Variants in ATPAF2 observed in about 807,000 individuals in gnomAD.
ATPAF2 encodes ATP12 homolog.
Under a neutral mutation model 36.6 loss-of-function variants are expected in ATPAF2, and 30 were observed. The observed-to-expected ratio is 0.82, with a 90% CI of 0.61 to 1.11. The LOEUF is 1.11. Ranked by LOEUF, ATPAF2 falls within the 50% of genes most tolerant of loss-of-function variation. The pLI, the probability that ATPAF2 is intolerant of heterozygous loss-of-function variation, is 0.00. For missense variants in ATPAF2, 321 were observed against 372.3 expected, an observed-to-expected ratio of 0.86 and a Z score of 1.13; for synonymous variants, 140 against 152.6, an observed-to-expected ratio of 0.92 and a Z score of 0.61.
intron 1 of ATPAF2, among the ~76,000 whole-genome samples, chr17:18,031,671 T>C (rs977179564): frequency 1.3e-5 from 2 of 151,980 alleles, no homozygotes; most frequent in Admixed American, 6.6e-5. Context: ...TCCCAGCTAC[T>C]TGGGAGGCTG....
Position 18,018,314 on chromosome 17 carries a change from G to T in ATPAF2, c.*235C>A. 1.7e-6 allele frequency: 1 copy of T among 586,542 alleles called. No homozygotes were observed. The highest frequency in any genetic ancestry group is 3.0e-6 in the Non-Finnish European group (1 of 329,166). The allele number at this position is 586,542 out of a possible 1,614,324, so 36.3% of individuals were successfully genotyped here. A position where few individuals can be genotyped will look rare whatever the true frequency, so the allele number is the denominator to read the frequency against. On this transcript the variant is annotated 3_prime_UTR_variant, in exon 8 of 8. Coordinates refer to ENST00000474627, the MANE Select transcript of ATPAF2 (RefSeq NM_145691.4). ...AATCAGAGTCGAGAGAAAGTCACTT[G>T]CACAATTCATCTCCTACATTCACTG... is the stretch of plus-strand genomic sequence containing the variant.
chr17:18,016,008 T>C (rs2044347724), downstream of ATPAF2: 2 of 1,591,330 alleles, frequency 1.3e-6, no homozygotes, highest in Non-Finnish European at 1.7e-6. Flanking sequence ...TCAGCTCCCT[T>C]TGTGTTCACG....
At chr17:18,023,703 C>T (rs968277783) in intron 5 of ATPAF2, among the ~76,000 whole-genome samples, 1 of 152,196 alleles carries the variant, frequency 6.6e-6, no homozygotes, top group African/African-American at 2.4e-5. Flanking sequence ...CCAAGGACAC[C>T]TGCCACATTG....
At chr17:18,030,940 T>C (rs2044623208) in intron 1 of ATPAF2, among the ~76,000 whole-genome samples, 1 of 137,846 alleles carries the variant, frequency 7.3e-6, no homozygotes, top group South Asian at 2.5e-4. Flanking sequence ...CCCAAAGTGC[T>C]GGGATTGCAG....
chr17:18,036,813 C>G (rs930870239), intron 1 of ATPAF2, among the ~76,000 whole-genome samples: 2 of 152,212 alleles, frequency 1.3e-5, no homozygotes, highest in African/African-American at 4.8e-5. Flanking sequence ...TGGCTCACGC[C>G]TGTAATCCCA....
Position 18,021,206 on chromosome 17 carries a change from T to G in ATPAF2, c.649A>C (p.Met217Leu). Residue 217 changes from methionine to leucine, a missense_variant, in exon 7 of 8, where the codon ATG becomes CTG. By Grantham distance (15) the Met-to-Leu change is conservative. Coordinates refer to ENST00000474627, the MANE Select transcript of ATPAF2 (RefSeq NM_145691.4). The stretch of plus-strand genomic sequence containing the variant: ...TCAATCAGGCCCAAGGTTAGCACCA[T>G]GGACTTGAGCTGGGCAGCTACAAAC... ...IEFVAAQLKS[M>L]VLTLGLIDLR... The G allele has an allele frequency of 1.2e-6, 2 of 1,613,910 alleles. No individual in the cohort carries two copies. Among genetic ancestry groups the G allele is most frequent in the Non-Finnish European group, 1.7e-6 (2 of 1,179,960 alleles).
intron 4 of ATPAF2, 85 bp downstream of exon 4, chr17:18,026,234 G>A: frequency 7.8e-7 from 1 of 1,288,804 alleles, no homozygotes. Flanking sequence ...AATGGAGAGG[G>A]TTTCTTCTTC....
downstream of ATPAF2, among the ~76,000 whole-genome samples, chr17:18,017,623 G>A (rs1307347494): frequency 1.3e-5 from 2 of 152,206 alleles, no homozygotes; most frequent in Non-Finnish European, 2.9e-5. Context: ...CAGTGCCTTC[G>A]AGGAACAGTT....
intron 1 of ATPAF2, 27 bp downstream of exon 1, chr17:18,038,854 A>C: frequency 1.2e-6 from 2 of 1,612,782 alleles, no homozygotes; most frequent in Non-Finnish European, 1.7e-6. Context: ...CTCGGCCCCA[A>C]CCCAAAAGAA....
intron 1 of ATPAF2, among the ~76,000 whole-genome samples, chr17:18,034,901 T>C (rs1432782437): frequency 2.6e-5 from 4 of 152,140 alleles, no homozygotes; most frequent in Non-Finnish European, 2.9e-5. Flanking sequence ...TGTTTGGCAA[T>C]AAAGAAGAAT....
At chr17:18,022,999 A>G (rs181837512) in intron 5 of ATPAF2, among the ~76,000 whole-genome samples, 1 of 151,794 alleles carries the variant, frequency 6.6e-6, no homozygotes, top group East Asian at 2.0e-4. Flanking sequence ...TAGATGGTGC[A>G]TGCCTGTAGT....
At chr17:18,016,596 G>A (rs1568557763), downstream of ATPAF2, 1 of 1,613,932 alleles carries the variant, frequency 6.2e-7, no homozygotes, top group East Asian at 2.2e-5. Flanking sequence ...GCAAGCGCGT[G>A]AAGGAGATCA....
intron 4 of ATPAF2, 38 bp from the exon 5 acceptor site, chr17:18,024,742 G>A: frequency 1.3e-6 from 2 of 1,554,806 alleles, no homozygotes; most frequent in South Asian, 1.1e-5. Context: ...TAATAAAAAA[G>A]TACAATTCCT....
rs752015333 is a variant in ATPAF2, at chr17:18,030,144, A to AACC, written c.134-1488_134-1486dup. On this transcript the variant is annotated intron_variant, in intron 1 of 7. Transcript: ENST00000474627. Reference sequence around the variant, plus strand: ...GAGACCAGCCTGGTCAATGTGGTGAAACCCCATCTCTACTAAAAATACAAA... The same window carrying AACC: ...GAGACCAGCCTGGTCAATGTGGTGAAACCACCCCATCTCTACTAAAAATACAAA... Among the ~76,000 whole-genome samples the AACC allele has an allele frequency of 8.5e-4, 129 of 151,662 alleles. 2 individuals carry two copies. Among genetic ancestry groups the AACC allele is most frequent in the Non-Finnish European group, 1.6e-3 (112 of 67,932 alleles).
chr17:18,024,836 C>T (rs1187922086), intron 4 of ATPAF2, 132 bp from the exon 5 acceptor site: 2 of 767,754 alleles, frequency 2.6e-6, no homozygotes, highest in African/African-American at 1.7e-5. Flanking sequence ...AGTCTTTTCC[C>T]CTAAAGCAGT....
At chr17:18,020,360 A>G (rs1372154486) in intron 7 of ATPAF2, among the ~76,000 whole-genome samples, 1 of 152,242 alleles carries the variant, frequency 6.6e-6, no homozygotes, top group Non-Finnish European at 1.5e-5. Context: ...CTGATGAAGG[A>G]GCACAAACGG....
Position 18,021,927 on chromosome 17 carries a change from A to G in ATPAF2, c.504-70T>C, listed in dbSNP as rs532881303. The G allele has an allele frequency of 1.9e-5, 25 of 1,334,944 alleles. No homozygotes were observed. The African/African-American group carries it at 3.0e-4, about 16-fold the overall frequency. 82.7% of individuals were successfully genotyped at this position (1,334,944 alleles called of 1,614,324 possible). A position where few individuals can be genotyped will look rare whatever the true frequency, so the allele number is the denominator to read the frequency against. On this transcript the variant is annotated intron_variant, in intron 5 of 7. Transcript: ENST00000474627. ...CAAGAGCAGCCCACCTTTTGACTAG[A>G]AACAAAGGCCTAAGCTTCAGAGCAT... is the stretch of plus-strand genomic sequence containing the variant.
At chr17:18,025,699 C>G (rs534367640) in intron 4 of ATPAF2, 2 of 161,548 alleles carry the variant, frequency 1.2e-5, no homozygotes, top group East Asian at 3.5e-4. Flanking sequence ...TCAAGTGAAC[C>G]CTAATATAAA....
At chr17:18,021,455 A>G (rs1285292019) in intron 6 of ATPAF2, 7 of 642,916 alleles carry the variant, frequency 1.1e-5, no homozygotes, top group Non-Finnish European at 2.0e-5. Flanking sequence ...TTGGCAAATC[A>G]GAGCTTTCCG....
Sources: gnomAD v4.1 joint callset for allele counts (sites outside exome capture counted in the v4.1 genomes callset) on GRCh38, gnomAD v4.1.1 for gene constraint, MANE v1.5 for transcripts, NCBI Gene and HGNC (gene_info 2026-07-23, HGNC 2026-07-21) for gene names.